The following CNST variants were observed in gnomAD, a reference collection of about 807,000 sequenced individuals.
The protein encoded by CNST is consortin.
A neutral mutation model predicts 72.4 loss-of-function variants in CNST; 39 were observed. The observed-to-expected ratio is 0.54, with a 90% confidence interval of 0.42 to 0.70. The LOEUF is 0.70. Among genes scored for constraint, CNST ranks in the 30% least tolerant of loss-of-function variants. CNST has a pLI of 0.00. For missense variants in CNST, 871 were observed against 868.5 expected (o/e 1.00, Z -0.04); for synonymous variants, 332 against 320.1 (o/e 1.04, Z -0.40).
intron 10 of CNST, 26 bp from the exon 11 acceptor site, chr1:246,665,674 A>G: frequency 6.3e-7 from 1 of 1,592,680 alleles, no homozygotes; most frequent in Non-Finnish European, 8.6e-7. Context: ...GTGACAATGT[A>G]ACCTCACTCT....
In CNST at chr1:246,591,870, G is replaced by A. The variant is rs1661566664; in HGVS notation, c.308G>A (p.Gly103Glu). 1.2e-6 allele frequency: 2 copies of A among 1,613,786 alleles called. No individual in the cohort carries two copies. The highest frequency in any genetic ancestry group is 1.7e-6 in the Non-Finnish European group (2 of 1,179,932). The change falls in exon 2 of 11, where the codon GGA becomes GAA. Residue 103 changes from glycine to glutamate, a missense_variant. Physicochemically the swap from Gly to Glu is moderately conservative, Grantham distance 98. Transcript: ENST00000366513. ...TCCAGAGATGAACAGGCCTTCTTGG[G>A]AAAGGACAAAAAAATTCCTGGAAAA... ...EASRDEQAFL[G>E]KDKKIPGKRS...
At chr1:246,657,678 T>C (rs991320366) in intron 9 of CNST, among the ~76,000 whole-genome samples, 3 of 152,106 alleles carry the variant, frequency 2.0e-5, no homozygotes, top group African/African-American at 7.2e-5. Flanking sequence ...AGTGTTGACT[T>C]CCACAGCCAA....
At position 246,666,005 on chromosome 1, in the gene CNST, C is replaced by G. The variant is rs1370605810; in HGVS notation, c.*100C>G. The G allele has an allele frequency of 4.9e-6, 4 of 814,854 alleles. No homozygotes were observed. The highest frequency in any genetic ancestry group is 1.7e-5 in the African/African-American group (1 of 58,424). 50.5% of individuals were successfully genotyped at this position (814,854 alleles called of 1,614,324 possible). On this transcript the variant is annotated 3_prime_UTR_variant, in exon 11 of 11. Transcript: ENST00000366513. ...AATTCTGTAGCATTCCCCCTTCCCT[C>G]TGTTAGGAACCAAGGACATCAGAAA...
intron 1 of CNST, among the ~76,000 whole-genome samples, chr1:246,584,459 G>A (rs1332504521): frequency 6.6e-6 from 1 of 152,102 alleles, no homozygotes; most frequent in Non-Finnish European, 1.5e-5. Context: ...ATGAAAATTG[G>A]TGTCGAGATA....
intron 10 of CNST, among the ~76,000 whole-genome samples, chr1:246,664,445 GAGA>G (rs1261029573): frequency 1.6e-5 from 2 of 123,026 alleles, no homozygotes; most frequent in Non-Finnish European, 1.8e-5. Flanking sequence ...TTTTTTTTTT[GAGA>G]AGGAGTCTCG....
chr1:246,623,833 A>G (rs866035240), intron 3 of CNST, among the ~76,000 whole-genome samples: 1 of 149,266 alleles, frequency 6.7e-6, no homozygotes, highest in Non-Finnish European at 1.5e-5. Context: ...AGGTCGAGGC[A>G]GGCAGATTGC....
At chr1:246,582,337 T>C (rs1338652169) in intron 1 of CNST, among the ~76,000 whole-genome samples, 1 of 150,440 alleles carries the variant, frequency 6.6e-6, no homozygotes, top group Admixed American at 6.7e-5. Context: ...TCCTGCAAAC[T>C]GTGAACTCCA....
At position 246,624,289 on chromosome 1, in the gene CNST, A is replaced by G. The variant is rs548085556; in HGVS notation, c.585+2655A>G. On this transcript the variant is annotated intron_variant, in intron 3 of 10. Transcript: ENST00000366513. ...CATTTGAACAGTGGATTGCACGGCA[A>G]TCTTTTCTCTCCTGGGAAAGAAGGT... Among the ~76,000 whole-genome samples the G allele has an allele frequency of 6.6e-5, 10 of 152,310 alleles. 1 individual carries two copies. In the South Asian group the frequency reaches 2.1e-3, roughly 32 times the overall value.
chr1:246,586,251 ATT>A (rs1487417501), intron 1 of CNST, among the ~76,000 whole-genome samples: 2 of 147,502 alleles, frequency 1.4e-5, no homozygotes, highest in African/African-American at 4.9e-5. Flanking sequence ...TCTGATATAT[ATT>A]ATATATAAAG....
chr1:246,659,322 C>CAT (rs1558599351), intron 9 of CNST, among the ~76,000 whole-genome samples: 5 of 152,174 alleles, frequency 3.3e-5, no homozygotes, highest in Non-Finnish European at 5.9e-5. Flanking sequence ...AGGCCGGGTG[C>CAT]GGTGGCTCAC....
chr1:246,581,984 T>G (rs190669193), intron 1 of CNST, among the ~76,000 whole-genome samples: 71 of 152,288 alleles, frequency 4.7e-4, no homozygotes, highest in African/African-American at 1.7e-3. Context: ...TTAACTGGGG[T>G]TTTTTTAAAT....
intron 1 of CNST, among the ~76,000 whole-genome samples, chr1:246,581,224 T>C (rs1660763625): frequency 6.6e-6 from 1 of 152,206 alleles, no homozygotes; most frequent in South Asian, 2.1e-4. Context: ...CCACATTGGA[T>C]GAAACTTCAT....
At position 246,615,760 on chromosome 1, in the gene CNST, C is replaced by A. The variant is rs546739403; in HGVS notation, c.380-5669C>A. Among the ~76,000 whole-genome samples the A allele has an allele frequency of 1.2e-3, 186 of 152,000 alleles. 1 individual carries two copies. Among genetic ancestry groups the A allele is most frequent in the Non-Finnish European group, 1.9e-3 (130 of 67,988 alleles). The stretch of plus-strand genomic sequence containing the variant: ...TGGCATGGTGATGCATACCTGTAAT[C>A]CCAGCTACTCGGGAGGCTGAGGCAG... On this transcript the variant is annotated intron_variant, in intron 2 of 10. Transcript: ENST00000366513.
intron 1 of CNST, chr1:246,569,788 A>T (rs1010383630): frequency 1.1e-5 from 2 of 182,564 alleles, no homozygotes; most frequent in Admixed American, 1.3e-4. Flanking sequence ...TGAGGCTCAT[A>T]AGATGAATAG....
rs1666200495 is a variant in CNST at position 246,647,784 on chromosome 1, T to C, written c.1583T>C (p.Met528Thr). ...DLGILLPEVC[M>T]APEEKGDKDD... ...GGCATACTGCTTCCAGAGGTGTGTA[T>C]GGCCCCAGAGGAAAAGGGAGATAAA... Residue 528 changes from methionine to threonine, a missense_variant, in exon 9 of 11, where the codon ATG becomes ACG. By Grantham distance (81) the Met-to-Thr change is moderately conservative. Coordinates refer to ENST00000366513, the MANE Select transcript of CNST (RefSeq NM_152609.3). 1 of 1,614,032 alleles carries C rather than the reference T, an allele frequency of 6.2e-7. No individual in the cohort carries two copies. Among genetic ancestry groups the C allele is most frequent in the African/African-American group, 1.3e-5 (1 of 74,918 alleles).
intron 2 of CNST, among the ~76,000 whole-genome samples, chr1:246,592,403 G>A (rs993089639): frequency 2.0e-5 from 3 of 152,154 alleles, no homozygotes; most frequent in South Asian, 2.1e-4. Context: ...CAGGAGAATC[G>A]CTTGAACCTG....
intron 1 of CNST, among the ~76,000 whole-genome samples, chr1:246,574,972 T>TTTTATTTATATA (rs1553368202): frequency 7.0e-6 from 1 of 143,586 alleles, no homozygotes; most frequent in African/African-American, 2.5e-5. Context: ...TCCTCAAGTA[T>TTTTATTTATATA]TTTATTTATT....
chr1:246,590,648 G>T (rs1572136738), intron 1 of CNST, among the ~76,000 whole-genome samples: 2 of 152,188 alleles, frequency 1.3e-5, no homozygotes, highest in East Asian at 1.9e-4. Context: ...TCTCACTGAG[G>T]TTTTTTTCCA....
intron 2 of CNST, among the ~76,000 whole-genome samples, chr1:246,613,763 G>A (rs367782584): frequency 3.2e-4 from 36 of 112,842 alleles, no homozygotes; most frequent in Admixed American, 9.9e-4. Flanking sequence ...GCCTGATCTC[G>A]GCTCCCTGCA....
Sources: gnomAD v4.1 joint callset for allele counts (sites outside exome capture counted in the v4.1 genomes callset) on GRCh38, gnomAD v4.1.1 for gene constraint, MANE v1.5 for transcripts, NCBI Gene and HGNC (gene_info 2026-07-23, HGNC 2026-07-21) for gene names.